CCM2L: variants seen among roughly 807,000 people sequenced by gnomAD.
CCM2L encodes the protein cerebral cavernous malformations 2 protein-like.
A neutral mutation model predicts 54.1 loss-of-function variants in CCM2L; 36 were observed. The observed-to-expected ratio is 0.67, with a 90% confidence interval of 0.51 to 0.88. CCM2L has a LOEUF of 0.88. CCM2L is among the 40% of genes least tolerant of loss of function. The pLI is 0.00. For synonymous variants in CCM2L, 351 were observed against 359.3 expected, an observed-to-expected ratio of 0.98 and a Z score of 0.26; for missense variants, 700 against 812.1, an observed-to-expected ratio of 0.86 and a Z score of 1.68.
rs2064931858 is a variant in CCM2L at position 32,031,707 on chromosome 20, A to T, written c.*393A>T. 5.9e-6 allele frequency: 1 copy of T among 169,022 alleles called. No individual in the cohort carries two copies. The highest frequency in any genetic ancestry group is 2.4e-5 in the African/African-American group (1 of 41,532). 10.5% of individuals were successfully genotyped at this position (169,022 alleles called of 1,614,324 possible). A position where few individuals can be genotyped will look rare whatever the true frequency, so the allele number is the denominator to read the frequency against. ...CACCTGCTGGCCGACTGAGAAAAGA[A>T]TTTCCAGAACTCGGTCCTATTTTAC... is the stretch of plus-strand genomic sequence containing the variant. On this transcript the variant is annotated 3_prime_UTR_variant, in exon 10 of 10. Transcript: ENST00000452892.
Position 32,031,239 on chromosome 20 carries a change from T to TGACGAC in CCM2L, c.1653_1658dup (p.Asp551_Asp552dup), listed in dbSNP as rs139704146. 920 of 1,299,016 alleles carry TGACGAC rather than the reference T, an allele frequency of 7.1e-4. 3 individuals carry two copies. The African/African-American group carries it at 0.012, about 17-fold the overall frequency. 80.5% of individuals were successfully genotyped at this position (1,299,016 alleles called of 1,614,324 possible). A position where few individuals can be genotyped will look rare whatever the true frequency, so the allele number is the denominator to read the frequency against. On this transcript the variant is annotated inframe_insertion, in exon 10 of 10. Coordinates refer to ENST00000452892, the MANE Select transcript of CCM2L (RefSeq NM_001365692.1). ...ACGACATCGAGGCGCTGGCCCCCGA[T>TGACGAC]GACGACGACGACGACGAGGATGAGC...
At position 32,028,856 on chromosome 20, in the gene CCM2L, T is replaced by C. The variant is rs2064889414; in HGVS notation, c.1134-139T>C. 1.4e-5 allele frequency: 15 copies of C among 1,071,032 alleles called. No individual in the cohort carries two copies. In the South Asian group the frequency reaches 2.4e-4, roughly 17 times the overall value. The allele number at this position is 1,071,032 out of a possible 1,614,324, so 66.3% of individuals were successfully genotyped here. On this transcript the variant is annotated intron_variant, in intron 7 of 9. Transcript: ENST00000452892. Reference sequence around the variant, plus strand: ...AGGCAAGCACAGTGACAGATGAGACTTGAGAGGTGCCAGGGGCCAGGGTAT... The same window carrying C: ...AGGCAAGCACAGTGACAGATGAGACCTGAGAGGTGCCAGGGGCCAGGGTAT...
chr20:32,022,868 GGACTT>G (rs1470494708), intron 6 of CCM2L, 73 bp downstream of exon 6: 101 of 1,549,630 alleles, frequency 6.5e-5, no homozygotes, highest in Non-Finnish European at 8.7e-5. Context: ...AGATGTCCCA[GGACTT>G]GGGCTGATGA....
chr20:32,017,979 C>T lies in CCM2L; in HGVS notation c.283C>T (p.Gln95Ter), dbSNP rs759261670. 7 of 1,613,586 alleles carry T rather than the reference C, an allele frequency of 4.3e-6. No homozygotes were observed. In the Admixed American group the frequency reaches 1.2e-4, roughly 27 times the overall value. ...ELLQLLDTAR[Q>*]LKELPLKTTA... ...ACTCGAGATCTGCCCCTCCCTGCAG[C>T]AGCTGAAGGAGCTGCCGCTGAAGAC... is the stretch of plus-strand genomic sequence containing the variant. The change falls in exon 4 of 10, where the codon CAG becomes TAG. Residue 95 changes from glutamine to a stop codon, truncating the protein, a stop_gained and splice_region_variant. Coordinates refer to ENST00000452892, the MANE Select transcript of CCM2L (RefSeq NM_001365692.1). LOFTEE classifies it high-confidence loss of function.
chr20:32,020,755 G>A (rs1305669966), intron 5 of CCM2L, among the ~76,000 whole-genome samples: 2 of 152,170 alleles, frequency 1.3e-5, no homozygotes, highest in African/African-American at 4.8e-5. Flanking sequence ...GGAGGCTGAG[G>A]CGGGTGGATC....
At position 32,029,085 on chromosome 20, in the gene CCM2L, C is replaced by T. The variant is rs1163124391; in HGVS notation, c.1224C>T (p.Ser408=). The change falls in exon 8 of 10, where the codon AGC becomes AGT. Residue 408 remains serine, a synonymous_variant. Coordinates refer to ENST00000452892, the MANE Select transcript of CCM2L (RefSeq NM_001365692.1). ...CCCACTGCAGCGGCAGCGACCACAG[C>T]AGTCTGGGCTTGGAGCAGTTACAGG... is the stretch of plus-strand genomic sequence containing the variant. The part of the protein sequence containing the change: ...HGSHCSGSDH[S]SLGLEQLQDY... 6.2e-7 allele frequency: 1 copy of T among 1,614,088 alleles called. No individual in the cohort carries two copies. Among genetic ancestry groups the T allele is most frequent in the Non-Finnish European group, 8.5e-7 (1 of 1,180,046 alleles).
At chr20:32,027,336 C>G (rs542780227) in intron 7 of CCM2L, among the ~76,000 whole-genome samples, 4 of 152,320 alleles carry the variant, frequency 2.6e-5, no homozygotes, top group Non-Finnish European at 5.9e-5. Context: ...CTTTAAACAA[C>G]CAGATATCTA....
chr20:32,023,554 C>T (rs1264943291), intron 6 of CCM2L, among the ~76,000 whole-genome samples: 2 of 152,216 alleles, frequency 1.3e-5, no homozygotes, highest in African/African-American at 4.8e-5. Flanking sequence ...GTGCCAAGCA[C>T]CGTACCAATG....
Position 32,029,043 on chromosome 20 carries a change from A to T in CCM2L, c.1182A>T (p.Thr394=). 1 of 1,613,956 alleles carries T rather than the reference A, an allele frequency of 6.2e-7. No individual in the cohort carries two copies. The highest frequency in any genetic ancestry group is 1.7e-5 in the Admixed American group (1 of 60,022). Residue 394 remains threonine (T), a synonymous_variant, in exon 8 of 10, where the codon ACA becomes ACT. Coordinates refer to ENST00000452892, the MANE Select transcript of CCM2L (RefSeq NM_001365692.1). ...AAGCATGTTACAGCGGCACGTCCACACCTTCTTTCCATGGCTCCCACTGCA... is the reference window on the plus strand; with the variant it reads ...AAGCATGTTACAGCGGCACGTCCACTCCTTCTTTCCATGGCTCCCACTGCA... ...TFEACYSGTS[T]PSFHGSHCSG...
chr20:32,010,978 G>A lies in CCM2L; in HGVS notation c.30+494G>A, dbSNP rs956867085. Among the ~76,000 whole-genome samples the A allele has an allele frequency of 3.3e-5, 5 of 152,184 alleles. No individual in the cohort carries two copies. The South Asian group carries it at 8.3e-4, about 25-fold the overall frequency. On this transcript the variant is annotated intron_variant, in intron 1 of 9. Coordinates refer to ENST00000452892, the MANE Select transcript of CCM2L (RefSeq NM_001365692.1). ...CTACAAGGGCGTATGTAAGGCGTCA[G>A]CCAGAAGCCATTCCCCTCACCCCTT...
rs1294191390 is a variant in CCM2L, at chr20:32,019,307, A to G, written c.831A>G (p.Gly277=). The G allele has an allele frequency of 5.4e-6, 7 of 1,299,640 alleles. No homozygotes were observed. In the South Asian group the frequency reaches 9.8e-5, roughly 18 times the overall value. The allele number at this position is 1,299,640 out of a possible 1,614,324, so 80.5% of individuals were successfully genotyped here. Reference sequence around the variant, plus strand: ...GGAGGCAGGCGGGCAGCGGCGGGGGAGGCAGCTGGGAGCGGCGCCACCCCG... The same window carrying G: ...GGAGGCAGGCGGGCAGCGGCGGGGGGGGCAGCTGGGAGCGGCGCCACCCCG... The part of the protein sequence containing the change: ...WERRQAGSGG[G]GSWERRHPGP... The change falls in exon 5 of 10, where the codon GGA becomes GGG. Residue 277 remains glycine, a synonymous_variant. Transcript: ENST00000452892.
chr20:32,031,575 G>C lies in CCM2L; in HGVS notation c.*261G>C. The C allele has an allele frequency of 3.6e-6, 1 of 275,940 alleles. No homozygotes were observed. The highest frequency in any genetic ancestry group is 7.0e-6 in the Non-Finnish European group (1 of 142,128). 17.1% of individuals were successfully genotyped at this position (275,940 alleles called of 1,614,324 possible). A position where few individuals can be genotyped will look rare whatever the true frequency, so the allele number is the denominator to read the frequency against. On this transcript the variant is annotated 3_prime_UTR_variant, in exon 10 of 10. Coordinates refer to ENST00000452892, the MANE Select transcript of CCM2L (RefSeq NM_001365692.1). ...CTCTGCCGGGCTGGGGCTGAGCAGC[G>C]ATCCTGCTTTGTCCCAGAAGTCCAG...
In CCM2L at chr20:32,031,254, C is replaced by T; in HGVS notation, c.1656C>T (p.Asp552=). The T allele has an allele frequency of 1.5e-6, 2 of 1,297,584 alleles. No homozygotes were observed. The highest frequency in any genetic ancestry group is 1.2e-5 in the South Asian group (1 of 80,978). The allele number at this position is 1,297,584 out of a possible 1,614,324, so 80.4% of individuals were successfully genotyped here. The change falls in exon 10 of 10, where the codon GAC becomes GAT. Residue 552 remains aspartate, a synonymous_variant. Coordinates refer to ENST00000452892, the MANE Select transcript of CCM2L (RefSeq NM_001365692.1). ...TGGCCCCCGATGACGACGACGACGA[C>T]GAGGATGAGCCCCGGGGCTCCAGGG... ...EALAPDDDDD[D]EDEPRGSRGG...
chr20:32,029,949 G>A, intron 9 of CCM2L, 111 bp downstream of exon 9: 1 of 1,300,718 alleles, frequency 7.7e-7, no homozygotes, highest in Non-Finnish European at 1.0e-6. Context: ...AGCCTCTGAT[G>A]AAACCCAGAT....
intron 1 of CCM2L, among the ~76,000 whole-genome samples, chr20:32,011,073 G>A (rs149878086): frequency 1.7e-3 from 252 of 152,176 alleles, no homozygotes; most frequent in African/African-American, 5.9e-3. Context: ...TCAGGGAGGC[G>A]CTCTGATTTT....
chr20:32,010,463 T>C lies in CCM2L; in HGVS notation c.9T>C (p.Tyr3=). 1 of 1,540,560 alleles carries C rather than the reference T, an allele frequency of 6.5e-7. No homozygotes were observed. Among genetic ancestry groups the C allele is most frequent in the Non-Finnish European group, 8.7e-7 (1 of 1,145,778 alleles). The change falls in exon 1 of 10, where the codon TAT becomes TAC. Residue 3 remains tyrosine (Y), a synonymous_variant. Coordinates refer to ENST00000452892, the MANE Select transcript of CCM2L (RefSeq NM_001365692.1). ME[Y]EVKKGKKGFV... is the part of the protein sequence containing the mutation. ...AGAGGGGACATTTCACCATGGAATA[T>C]GAAGTCAAGAAAGGGAAGAAGGTAG...
intron 5 of CCM2L, 54 bp downstream of exon 5, chr20:32,019,463 C>G: frequency 7.7e-7 from 1 of 1,297,890 alleles, no homozygotes; most frequent in Non-Finnish European, 1.0e-6. Context: ...CGCTGCTTCC[C>G]CGCCCCCACC....
At chr20:32,017,698 T>C in intron 2 of CCM2L, 102 bp from the exon 3 acceptor site, 1 of 925,346 alleles carries the variant, frequency 1.1e-6, no homozygotes, top group South Asian at 1.3e-5. Flanking sequence ...TTCATGTATT[T>C]CTATCTCAAT....
intron 5 of CCM2L, among the ~76,000 whole-genome samples, chr20:32,020,387 CTCT>C (rs774297124): frequency 4.6e-5 from 7 of 152,322 alleles, no homozygotes; most frequent in Non-Finnish European, 8.8e-5. Context: ...CTGGTTCCTC[CTCT>C]TCTTCAGAAG....
Sources: gnomAD v4.1 joint callset for allele counts (sites outside exome capture counted in the v4.1 genomes callset) on GRCh38, gnomAD v4.1.1 for gene constraint, MANE v1.5 for transcripts, NCBI Gene and HGNC (gene_info 2026-07-23, HGNC 2026-07-21) for gene names.